Variants in ANKS1B observed in about 807,000 individuals in gnomAD.
ANKS1B encodes the protein ankyrin repeat and sterile alpha motif domain-containing protein 1B.
A neutral mutation model predicts 148.3 loss-of-function variants in ANKS1B; 36 were observed. The ratio of observed to expected loss-of-function variants is 0.24; its 90% CI spans 0.19 to 0.32. The LOEUF (loss-of-function observed/expected upper bound fraction) is 0.32, where lower values mean the gene tolerates loss of function less well. Among genes scored for constraint, ANKS1B ranks in the 10% least tolerant of loss-of-function variants. The pLI, the probability that ANKS1B is intolerant of heterozygous loss-of-function variation, is 1.00. For missense variants in ANKS1B, 1,157 were observed against 1,542.6 expected (o/e 0.75, Z 4.19); for synonymous variants, 542 against 560.8 (o/e 0.97, Z 0.47).
intron 12 of ANKS1B, among the ~76,000 whole-genome samples, chr12:99,327,981 C>CA (rs2086808734): frequency 6.6e-6 from 1 of 151,788 alleles, no homozygotes; most frequent in African/African-American, 2.4e-5. Flanking sequence ...CTACTACATA[C>CA]AGATGAATAA....
At chr12:98,795,056 A>G in intron 22 of ANKS1B, 1 of 643,312 alleles carries the variant, frequency 1.6e-6, no homozygotes, top group Non-Finnish European at 2.8e-6. Flanking sequence ...TATTTTTTAC[A>G]TAAGGCCACT....
At chr12:99,918,888 A>G (rs551237669) in intron 1 of ANKS1B, among the ~76,000 whole-genome samples, 3 of 152,174 alleles carry the variant, frequency 2.0e-5, no homozygotes. Context: ...CACACACACA[A>G]AAAAAGATGT....
At chr12:99,634,465 G>A (rs1406042666) in intron 9 of ANKS1B, among the ~76,000 whole-genome samples, 1 of 152,034 alleles carries the variant, frequency 6.6e-6, no homozygotes, top group Non-Finnish European at 1.5e-5. Flanking sequence ...AAATTACCCA[G>A]TTTCAAGTGT....
At chr12:99,049,959 C>T (rs1229904296) in intron 17 of ANKS1B, among the ~76,000 whole-genome samples, 1 of 152,196 alleles carries the variant, frequency 6.6e-6, no homozygotes, top group Non-Finnish European at 1.5e-5. Flanking sequence ...TCTCTTTTCA[C>T]TTAACATAGA....
intron 1 of ANKS1B, 24 bp downstream of exon 1, chr12:99,984,080 C>G (rs746496842): frequency 1.2e-6 from 2 of 1,600,890 alleles, no homozygotes; most frequent in African/African-American, 2.7e-5. Context: ...GTGTGCCAAC[C>G]CCGGAGCTGG....
intron 17 of ANKS1B, among the ~76,000 whole-genome samples, chr12:98,936,784 C>A (rs2099819186): frequency 6.6e-6 from 1 of 151,976 alleles, no homozygotes; most frequent in African/African-American, 2.4e-5. Context: ...TAGTCATTTT[C>A]TCAGAATTTC....
At chr12:99,927,085 T>C (rs1442652259) in intron 1 of ANKS1B, among the ~76,000 whole-genome samples, 1 of 152,180 alleles carries the variant, frequency 6.6e-6, no homozygotes, top group Non-Finnish European at 1.5e-5. Context: ...GAAGTCCCTC[T>C]CTGCCAACAA....
intron 12 of ANKS1B, among the ~76,000 whole-genome samples, chr12:99,349,914 T>C (rs552065900): frequency 2.6e-5 from 4 of 152,166 alleles, no homozygotes; most frequent in Middle Eastern, 3.4e-3. Context: ...TGCCAATGAA[T>C]TGTATAATTT....
intron 4 of ANKS1B, among the ~76,000 whole-genome samples, chr12:99,799,902 G>C (rs1422282066): frequency 6.6e-6 from 1 of 152,066 alleles, no homozygotes; most frequent in Non-Finnish European, 1.5e-5. Flanking sequence ...AACCCTATCA[G>C]ACACTATAAG....
chr12:99,724,869 A>G (rs1451298902), intron 8 of ANKS1B, among the ~76,000 whole-genome samples: 2 of 152,210 alleles, frequency 1.3e-5, no homozygotes, highest in Non-Finnish European at 2.9e-5. Flanking sequence ...TCTTAGAAAA[A>G]TTATTTTCAA....
downstream of ANKS1B, among the ~76,000 whole-genome samples, chr12:98,740,970 C>T (rs1444079046): frequency 6.6e-6 from 1 of 152,164 alleles, no homozygotes; most frequent in South Asian, 2.1e-4. Flanking sequence ...GGCTAAAAGC[C>T]ACTTCCAAAG....
intron 12 of ANKS1B, among the ~76,000 whole-genome samples, chr12:99,292,182 T>C (rs1485822576): frequency 6.6e-6 from 1 of 151,944 alleles, no homozygotes; most frequent in Non-Finnish European, 1.5e-5. Flanking sequence ...AAAGAGCTTC[T>C]GCACGGCAAA....
intron 15 of ANKS1B, chr12:99,105,041 C>A (rs2058831934): frequency 6.6e-6 from 1 of 152,190 alleles, no homozygotes; most frequent in Non-Finnish European, 1.5e-5. Context: ...ATTTGTAAAT[C>A]TGAACATTTT....
chr12:99,584,071 G>A (rs2097598089), intron 9 of ANKS1B, among the ~76,000 whole-genome samples: 1 of 152,188 alleles, frequency 6.6e-6, no homozygotes, highest in Non-Finnish European at 1.5e-5. Flanking sequence ...TAGAAAATGT[G>A]TAGCTGCCAG....
rs536346980 is a variant in ANKS1B at position 99,255,594 on chromosome 12, T to C, written c.1757-8730A>G. ...GTCTTCAGCGTTTCTTCTTTTCTAA[T>C]ATATGCATTTAAAATTTCTAAGTTC... On this transcript the variant is annotated intron_variant, in intron 12 of 26. Coordinates refer to ENST00000683438, the MANE Select transcript of ANKS1B (RefSeq NM_001352186.2). Among the ~76,000 whole-genome samples, 13 of 152,316 alleles carry C rather than the reference T, an allele frequency of 8.5e-5. No individual in the cohort carries two copies. In the South Asian group the frequency reaches 2.5e-3, roughly 29 times the overall value.
intron 25 of ANKS1B, among the ~76,000 whole-genome samples, chr12:98,765,975 T>C (rs1046252421): frequency 1.3e-5 from 2 of 151,572 alleles, no homozygotes; most frequent in African/African-American, 2.4e-5. Context: ...GGCCACCCCC[T>C]GATCATGACA....
chr12:99,369,771 TA>T (rs2092993441), intron 12 of ANKS1B, among the ~76,000 whole-genome samples: 1 of 142,810 alleles, frequency 7.0e-6, no homozygotes, highest in East Asian at 2.2e-4. Flanking sequence ...GATAGATAGA[TA>T]GATAGATAGA....
intron 16 of ANKS1B, among the ~76,000 whole-genome samples, chr12:99,083,225 C>T (rs954063132): frequency 3.9e-5 from 6 of 152,178 alleles, no homozygotes; most frequent in Non-Finnish European, 7.4e-5. Flanking sequence ...ACTTTTCCCA[C>T]TTAGGGAGGG....
intron 25 of ANKS1B, among the ~76,000 whole-genome samples, chr12:98,764,097 G>A (rs563850420): frequency 6.6e-6 from 1 of 152,324 alleles, no homozygotes; most frequent in South Asian, 2.1e-4. Flanking sequence ...GAAGAAACAT[G>A]CAATCTTTAT....
Sources: gnomAD v4.1 joint callset for allele counts (sites outside exome capture counted in the v4.1 genomes callset) on GRCh38, gnomAD v4.1.1 for gene constraint, MANE v1.5 for transcripts, NCBI Gene and HGNC (gene_info 2026-07-23, HGNC 2026-07-21) for gene names.